Variants in MED12L observed in about 807,000 individuals in gnomAD.
The protein encoded by MED12L is mediator complex subunit 12L.
In MED12L, 60 loss-of-function variants were observed where a neutral mutation model predicts 281.3. The observed-to-expected ratio is 0.21, with a 90% CI of 0.17 to 0.26. The LOEUF (loss-of-function observed/expected upper bound fraction) is 0.26, where lower values mean the gene tolerates loss of function less well. Among genes scored for constraint, MED12L ranks in the 10% least tolerant of loss-of-function variants. The pLI is 1.00. For synonymous variants in MED12L, 974 were observed against 987.2 expected (o/e 0.99, Z 0.25); for missense variants, 2,146 against 2,680.9 (o/e 0.80, Z 4.41).
Position 151,193,635 on chromosome 3 carries a change from T to TA in MED12L, c.2220dup (p.Gln741ThrfsTer12), listed in dbSNP as rs1724263479. The TA allele has an allele frequency of 6.2e-7, 1 of 1,614,008 alleles. No homozygotes were observed. The highest frequency in any genetic ancestry group is 8.5e-7 in the Non-Finnish European group (1 of 1,179,998). On this transcript the variant is annotated frameshift_variant, in exon 16 of 45. Coordinates refer to ENST00000687756, the MANE Select transcript of MED12L (RefSeq NM_001393769.1). LOFTEE classifies it high-confidence loss of function. ...TCTAATTATGACCTCCTTCGCCACT[T>TA]ACAGTATGCAACACATTTTCCTATA...
At chr3:151,169,868 T>C (rs1721210200) in intron 11 of MED12L, among the ~76,000 whole-genome samples, 1 of 152,228 alleles carries the variant, frequency 6.6e-6, no homozygotes, top group Non-Finnish European at 1.5e-5. Flanking sequence ...GGAGGTTTGC[T>C]GTTACTAGAA....
At chr3:151,164,394 C>T (rs573566187) in intron 9 of MED12L, among the ~76,000 whole-genome samples, 1 of 152,036 alleles carries the variant, frequency 6.6e-6, no homozygotes, top group African/African-American at 2.4e-5. Context: ...GTTTCAAAGC[C>T]TTATGTGACT....
intron 16 of MED12L, among the ~76,000 whole-genome samples, chr3:151,296,335 T>C (rs1745085622): frequency 6.6e-6 from 1 of 152,202 alleles, no homozygotes; most frequent in Non-Finnish European, 1.5e-5. Flanking sequence ...GGGCCTCTCA[T>C]GTCTCCTACT....
intron 16 of MED12L, among the ~76,000 whole-genome samples, chr3:151,301,553 A>G (rs745727411): frequency 6.6e-6 from 1 of 152,242 alleles, no homozygotes; most frequent in Non-Finnish European, 1.5e-5. Flanking sequence ...AGACTATGCA[A>G]AGAACTTTTA....
At chr3:151,430,427 A>C in intron 44 of MED12L, 47 bp downstream of exon 44, 3 of 1,607,582 alleles carry the variant, frequency 1.9e-6, no homozygotes, top group Non-Finnish European at 2.6e-6. Context: ...CGGAAAATTA[A>C]AAATAAGCCA....
intron 15 of MED12L, 133 bp from the exon 16 acceptor site, chr3:151,193,357 A>T: frequency 1.6e-6 from 1 of 624,004 alleles, no homozygotes. Context: ...CAATTTCTTC[A>T]TATTTTTTTG....
chr3:151,223,861 G>T (rs904473534), intron 16 of MED12L, among the ~76,000 whole-genome samples: 2 of 152,110 alleles, frequency 1.3e-5, no homozygotes, highest in African/African-American at 4.8e-5. Context: ...AAAGAACATT[G>T]CCTACTCCTG....
At chr3:151,128,495 C>A (rs530578701) in intron 5 of MED12L, among the ~76,000 whole-genome samples, 3 of 152,198 alleles carry the variant, frequency 2.0e-5, no homozygotes, top group Non-Finnish European at 4.4e-5. Flanking sequence ...GGCTCCCCCC[C>A]TTCCTGTGAT....
At chr3:151,241,009 A>G (rs943305700) in intron 16 of MED12L, among the ~76,000 whole-genome samples, 1 of 152,158 alleles carries the variant, frequency 6.6e-6, no homozygotes, top group African/African-American at 2.4e-5. Flanking sequence ...CTGGTTGCCA[A>G]AAACATCCAG....
intron 16 of MED12L, among the ~76,000 whole-genome samples, chr3:151,314,380 A>C (rs1259631343): frequency 1.3e-5 from 2 of 152,196 alleles, no homozygotes; most frequent in African/African-American, 4.8e-5. Flanking sequence ...CCTGTCTTTC[A>C]CCATTGGCCT....
intron 16 of MED12L, among the ~76,000 whole-genome samples, chr3:151,256,612 A>C (rs1737856693): frequency 7.3e-6 from 1 of 136,596 alleles, no homozygotes. Flanking sequence ...GCCAGAAATC[A>C]CAACAGACTG....
chr3:151,432,705 A>G (rs774754236), intron 44 of MED12L, 47 bp from the exon 45 acceptor site: 13 of 1,434,814 alleles, frequency 9.1e-6, no homozygotes, highest in African/African-American at 2.8e-5. Context: ...CCATCTGTGC[A>G]ATAGTTTTGT....
intron 16 of MED12L, among the ~76,000 whole-genome samples, chr3:151,251,967 C>G (rs1188148509): frequency 2.6e-5 from 4 of 152,140 alleles, no homozygotes; most frequent in African/African-American, 7.2e-5. Context: ...GATTTTGATT[C>G]TTTTAACATA....
chr3:151,115,636 C>T (rs547186201), intron 2 of MED12L, among the ~76,000 whole-genome samples: 4 of 151,384 alleles, frequency 2.6e-5, no homozygotes, highest in South Asian at 2.1e-4. Context: ...CATGAGCCAC[C>T]GCGCCCGGCC....
At chr3:151,214,304 T>C in intron 16 of MED12L, 1 of 1,612,754 alleles carries the variant, frequency 6.2e-7, no homozygotes, top group Non-Finnish European at 8.5e-7. Context: ...TGTGTGGAGG[T>C]TGAATTGATC....
At chr3:151,313,793 G>A (rs1404963514) in intron 16 of MED12L, among the ~76,000 whole-genome samples, 2 of 152,058 alleles carry the variant, frequency 1.3e-5, no homozygotes, top group Non-Finnish European at 2.9e-5. Context: ...ACATGGTGGT[G>A]GGCGCCTATA....
rs192900171 is a variant in MED12L at position 151,144,269 on chromosome 3, A to G, written c.557-11892A>G. Among the ~76,000 whole-genome samples the G allele has an allele frequency of 1.6e-3, 232 of 146,688 alleles. 1 individual carries two copies. Among genetic ancestry groups the G allele is most frequent in the African/African-American group, 5.2e-3 (203 of 39,358 alleles). ...GATAGGGAAAAAGGACAACTGGGGG[A>G]AAAAAAAATCCCTAAATGCGACAGT... On this transcript the variant is annotated intron_variant, in intron 5 of 44. Coordinates refer to ENST00000687756, the MANE Select transcript of MED12L (RefSeq NM_001393769.1).
intron 16 of MED12L, chr3:151,326,423 A>G (rs550833033): frequency 2.6e-5 from 4 of 152,718 alleles, no homozygotes; most frequent in East Asian, 1.9e-4. Context: ...TTACAATGCA[A>G]TGTGATAAGT....
chr3:151,285,837 G>A (rs938238666), intron 16 of MED12L, among the ~76,000 whole-genome samples: 3 of 152,104 alleles, frequency 2.0e-5, no homozygotes, highest in Non-Finnish European at 2.9e-5. Context: ...TTGACCTTCC[G>A]CCATGTAAGG....
Sources: gnomAD v4.1 joint callset for allele counts (sites outside exome capture counted in the v4.1 genomes callset) on GRCh38, gnomAD v4.1.1 for gene constraint, MANE v1.5 for transcripts, NCBI Gene and HGNC (gene_info 2026-07-23, HGNC 2026-07-21) for gene names.